Variants in LRP1B observed in about 807,000 individuals in gnomAD.
LRP1B encodes the protein LDL receptor related protein 1B, also known as low-density lipoprotein receptor-related protein 1B.
LRP1B carries 217 observed loss-of-function variants against 556.6 expected under a neutral mutation model. The observed-to-expected ratio is 0.39, with a 90% CI of 0.35 to 0.44. The LOEUF is 0.44. Among genes scored for constraint, LRP1B ranks in the 20% least tolerant of loss-of-function variants. LRP1B has a pLI of 1.00. For missense variants in LRP1B, 5,053 were observed against 5,620.8 expected (o/e 0.90, Z 3.23); for synonymous variants, 2,047 against 1,865.8 (o/e 1.10, Z -2.50).
At chr2:141,514,519 G>T (rs931780028) in intron 2 of LRP1B, among the ~76,000 whole-genome samples, 2 of 152,124 alleles carry the variant, frequency 1.3e-5, no homozygotes, top group Middle Eastern at 3.2e-3. Flanking sequence ...TTATATCAGG[G>T]TTCTCCTAGA....
At chr2:140,740,347 G>A (rs2104865346) in intron 35 of LRP1B, among the ~76,000 whole-genome samples, 1 of 152,268 alleles carries the variant, frequency 6.6e-6, no homozygotes, top group Non-Finnish European at 1.5e-5. Flanking sequence ...AAAGGAATGA[G>A]TTAACAGCAT....
intron 3 of LRP1B, among the ~76,000 whole-genome samples, chr2:141,396,807 C>G (rs920716343): frequency 3.3e-5 from 5 of 151,972 alleles, no homozygotes; most frequent in Non-Finnish European, 5.9e-5. Flanking sequence ...GTAGAAGATA[C>G]ACAGACCAGA....
intron 22 of LRP1B, among the ~76,000 whole-genome samples, chr2:140,906,787 T>C (rs551086596): frequency 1.3e-5 from 2 of 152,068 alleles, no homozygotes; most frequent in Non-Finnish European, 2.9e-5. Context: ...AAGAAATGAA[T>C]ACAGAAGAAT....
rs180856299 is a variant in LRP1B at position 141,878,984 on chromosome 2, G to A, written c.83-68583C>T. 1.9e-4 allele frequency among the ~76,000 whole-genome samples: 29 copies of A among 151,708 alleles called. 1 individual carries two copies. Among genetic ancestry groups the A allele is most frequent in the African/African-American group, 7.0e-4 (29 of 41,400 alleles). On this transcript the variant is annotated intron_variant, in intron 1 of 90. Transcript: ENST00000389484. ...ATAAACCTTACTATTTTTGAGAGGG[G>A]AATATTTACATAAATATACGTAACT... is the stretch of plus-strand genomic sequence containing the variant.
In LRP1B at chr2:141,322,712, C is replaced by T. The variant is rs375027615; in HGVS notation, c.344-68071G>A. ...TCTGCCCACGATCTGGGTAAATTTA[C>T]AACCTCCCCTACATATCACAATTCT... On this transcript the variant is annotated intron_variant, in intron 3 of 90. Transcript: ENST00000389484. 1.3e-4 allele frequency among the ~76,000 whole-genome samples: 20 copies of T among 152,150 alleles called. No homozygotes were observed. In the East Asian group the frequency reaches 1.9e-3, roughly 15 times the overall value.
At position 141,367,165 on chromosome 2, in the gene LRP1B, T is replaced by A. The variant is rs559263442; in HGVS notation, c.344-112524A>T. Reference sequence around the variant, plus strand: ...ATTGGGGACAAATTTTAATTTCATATAGTACAACTTCCTTATTTATAGTTA... The same window carrying A: ...ATTGGGGACAAATTTTAATTTCATAAAGTACAACTTCCTTATTTATAGTTA... On this transcript the variant is annotated intron_variant, in intron 3 of 90. Transcript: ENST00000389484. 4.3e-4 allele frequency among the ~76,000 whole-genome samples: 66 copies of A among 152,308 alleles called. 1 individual carries two copies. Among genetic ancestry groups the A allele is most frequent in the African/African-American group, 1.3e-3 (54 of 41,560 alleles).
chr2:141,499,732 A>C (rs1041655248), intron 2 of LRP1B, among the ~76,000 whole-genome samples: 66 of 152,280 alleles, frequency 4.3e-4, no homozygotes, highest in African/African-American at 1.6e-3. Flanking sequence ...TGGCAAATAA[A>C]AAAGAAAATT....
intron 3 of LRP1B, among the ~76,000 whole-genome samples, chr2:141,306,997 T>C (rs1377497343): frequency 2.0e-5 from 3 of 152,192 alleles, no homozygotes; most frequent in Non-Finnish European, 4.4e-5. Flanking sequence ...TTTATAAATT[T>C]GTTGAGACTT....
intron 2 of LRP1B, among the ~76,000 whole-genome samples, chr2:141,616,692 C>T (rs1384237191): frequency 6.6e-5 from 10 of 152,012 alleles, no homozygotes. Context: ...TTTGGAAATC[C>T]CAGGGAACAC....
chr2:140,728,104 C>T lies in LRP1B; in HGVS notation c.5759-11288G>A, dbSNP rs377502027. ...TATTTTATCAAATAAAAAATATATGCTTGTCTAGCTTTTGTGTCCTGAATG... is the reference window on the plus strand; with the variant it reads ...TATTTTATCAAATAAAAAATATATGTTTGTCTAGCTTTTGTGTCCTGAATG... On this transcript the variant is annotated intron_variant, in intron 35 of 90. Coordinates refer to ENST00000389484, the MANE Select transcript of LRP1B (RefSeq NM_018557.3). Among the ~76,000 whole-genome samples the T allele has an allele frequency of 3.0e-4, 46 of 151,994 alleles. 1 individual carries two copies. In the South Asian group the frequency reaches 8.5e-3, roughly 28 times the overall value.
At position 140,832,982 on chromosome 2, in the gene LRP1B, T is replaced by C. The variant is rs151121295; in HGVS notation, c.5209+7009A>G. On this transcript the variant is annotated intron_variant, in intron 31 of 90. Transcript: ENST00000389484. ...CATATTATATGCATGTATCAAAATA[T>C]CACAGGCATTCCACACCATGCATTA... Among the ~76,000 whole-genome samples, 17 of 152,314 alleles carry C rather than the reference T, an allele frequency of 1.1e-4. 1 individual carries two copies. Among genetic ancestry groups the C allele is most frequent in the African/African-American group, 3.8e-4 (16 of 41,572 alleles).
intron 55 of LRP1B, among the ~76,000 whole-genome samples, chr2:140,499,543 C>A (rs72899887): frequency 6.6e-6 from 1 of 151,484 alleles, no homozygotes; most frequent in Non-Finnish European, 1.5e-5. Context: ...CATCATAGAG[C>A]GTATTTAAAC....
chr2:141,829,031 A>C (rs1044287381), intron 1 of LRP1B, among the ~76,000 whole-genome samples: 6 of 152,030 alleles, frequency 3.9e-5, no homozygotes, highest in African/African-American at 1.4e-4. Flanking sequence ...TTTTGCAAAA[A>C]CTGTAGAATA....
At chr2:141,134,833 C>A (rs192731551) in intron 7 of LRP1B, among the ~76,000 whole-genome samples, 32 of 151,204 alleles carry the variant, frequency 2.1e-4, no homozygotes, top group African/African-American at 7.5e-4. Context: ...TATTATTTTT[C>A]ATTTTCTAAT....
intron 68 of LRP1B, among the ~76,000 whole-genome samples, chr2:140,377,504 A>T (rs1471358566): frequency 6.6e-6 from 1 of 152,190 alleles, no homozygotes; most frequent in Non-Finnish European, 1.5e-5. Flanking sequence ...ATTGAGAAAA[A>T]TATATATAAT....
intron 2 of LRP1B, among the ~76,000 whole-genome samples, chr2:141,610,436 C>T (rs973105344): frequency 5.3e-5 from 8 of 151,436 alleles, no homozygotes; most frequent in African/African-American, 1.9e-4. Flanking sequence ...TTCTAAGCTG[C>T]CACGTGTTTG....
At chr2:140,264,506 G>A (rs77288728) in intron 86 of LRP1B, among the ~76,000 whole-genome samples, 21,425 of 152,012 alleles carry the variant, frequency 0.14, 1,971 homozygotes, top group East Asian at 0.33. Flanking sequence ...CGCCCACCTC[G>A]GCATCCCAAA....
chr2:141,973,091 C>T (rs1052187963), intron 1 of LRP1B, among the ~76,000 whole-genome samples: 1 of 151,534 alleles, frequency 6.6e-6, no homozygotes, highest in African/African-American at 2.4e-5. Context: ...ATTCCATTAA[C>T]TTACAAACTG....
chr2:140,404,409 T>C (rs1421810013), intron 66 of LRP1B, among the ~76,000 whole-genome samples: 1 of 151,876 alleles, frequency 6.6e-6, no homozygotes, highest in Admixed American at 6.6e-5. Flanking sequence ...CCTGACCTCA[T>C]GATCCGCCCA....
Sources: allele counts gnomAD v4.1 joint callset (sites outside exome capture counted in the v4.1 genomes callset), GRCh38; gene constraint gnomAD v4.1.1; transcripts MANE v1.5; gene names NCBI Gene and HGNC (gene_info 2026-07-23, HGNC 2026-07-21).